C8orf76: variants seen among roughly 807,000 people sequenced by gnomAD.
C8orf76 encodes uncharacterized protein C8orf76.
A neutral mutation model predicts 38.1 loss-of-function variants in C8orf76; 46 were observed. The observed-to-expected ratio is 1.21, with a 90% CI of 0.95 to 1.54. The LOEUF (loss-of-function observed/expected upper bound fraction) is 1.54, where lower values mean the gene tolerates loss of function less well. Among genes scored for constraint, C8orf76 ranks in the 40% most tolerant of loss-of-function variants. The pLI is 0.00. For missense variants in C8orf76, 461 were observed against 441.6 expected (o/e 1.04, Z -0.39); for synonymous variants, 166 against 167.5 (o/e 0.99, Z 0.07).
At chr8:123,223,679 C>T (rs918427335) in intron 5 of C8orf76, among the ~76,000 whole-genome samples, 29 of 152,104 alleles carry the variant, frequency 1.9e-4, no homozygotes, top group African/African-American at 7.0e-4. Context: ...GCATTATTCA[C>T]AATATCCAAA....
intron 5 of C8orf76, among the ~76,000 whole-genome samples, chr8:123,223,563 G>A (rs1249394735): frequency 6.6e-6 from 1 of 152,144 alleles, no homozygotes; most frequent in Non-Finnish European, 1.5e-5. Flanking sequence ...AGCCGAGATA[G>A]TGCCACTGTA....
intron 5 of C8orf76, among the ~76,000 whole-genome samples, chr8:123,225,625 T>A (rs1056208833): frequency 2.6e-5 from 4 of 152,076 alleles, no homozygotes; most frequent in African/African-American, 9.7e-5. Context: ...CAGTGTAGCC[T>A]CTCAGAAGTA....
intron 3 of C8orf76, chr8:123,237,079 CCG>C: frequency 1.8e-6 from 2 of 1,135,858 alleles, no homozygotes; most frequent in Non-Finnish European, 2.7e-6. Flanking sequence ...AGCCTTCCCT[CCG>C]CCAGCTCGCC....
intron 3 of C8orf76, among the ~76,000 whole-genome samples, chr8:123,234,700 C>T (rs1051050119): frequency 1.3e-5 from 2 of 151,090 alleles, no homozygotes; most frequent in South Asian, 2.1e-4. Context: ...ACCCAGGAGG[C>T]GGAGGTTGCA....
At chr8:123,236,982 TG>T in intron 3 of C8orf76, 1 of 1,548,368 alleles carries the variant, frequency 6.5e-7, no homozygotes, top group Non-Finnish European at 8.9e-7. Flanking sequence ...GGCAAACAGC[TG>T]GAGGATGGCC....
intron 5 of C8orf76, chr8:123,226,299 G>GC: frequency 7.1e-7 from 1 of 1,404,468 alleles, no homozygotes; most frequent in Non-Finnish European, 9.2e-7. Context: ...ATGAAACACA[G>GC]CCCCTGCGGT....
At chr8:123,236,834 C>T (rs1335727447) in intron 3 of C8orf76, 9 of 702,994 alleles carry the variant, frequency 1.3e-5, no homozygotes, top group Non-Finnish European at 2.3e-5. Flanking sequence ...GCGAGGCTGC[C>T]GAGCTCCAGA....
At chr8:123,220,459 C>T (rs1824870877) in intron 5 of C8orf76, among the ~76,000 whole-genome samples, 162 bp from the exon 6 acceptor site, 1 of 152,052 alleles carries the variant, frequency 6.6e-6, no homozygotes, top group South Asian at 2.1e-4. Context: ...AGTAGTTATC[C>T]GTCTATGGCC....
In C8orf76 at chr8:123,226,621, T is replaced by C. The variant is rs1385515963; in HGVS notation, c.827A>G (p.Gln276Arg). ...CGATGTTTGCTGAGGTTGGGTAAAC[T>C]GAAGCAGAAGCCTGAAAAACCGAAA... ...ASFIRTRLLL[Q>R]FTQPQQTSFA... Residue 276 changes from glutamine (Q) to arginine (R), a missense_variant, in exon 5 of 6, where the codon CAG becomes CGG. Gln to Arg is a conservative substitution (Grantham distance 43, BLOSUM62 1). Transcript: ENST00000276704. 3 of 1,595,728 alleles carry C rather than the reference T, an allele frequency of 1.9e-6. No homozygotes were observed. The highest frequency in any genetic ancestry group is 2.3e-5 in the South Asian group (2 of 87,442).
At chr8:123,234,048 T>C (rs1460515087) in intron 3 of C8orf76, among the ~76,000 whole-genome samples, 1 of 151,710 alleles carries the variant, frequency 6.6e-6, no homozygotes, top group Non-Finnish European at 1.5e-5. Flanking sequence ...AAAAAATCTA[T>C]TTAAATGAGT....
At chr8:123,221,659 T>C (rs1205987533) in intron 5 of C8orf76, among the ~76,000 whole-genome samples, 3 of 152,086 alleles carry the variant, frequency 2.0e-5, no homozygotes, top group Admixed American at 2.0e-4. Flanking sequence ...TGGTCTTGAG[T>C]TCCTGACCTC....
chr8:123,234,416 C>T (rs1825385946), intron 3 of C8orf76, among the ~76,000 whole-genome samples: 2 of 152,144 alleles, frequency 1.3e-5, no homozygotes, highest in Admixed American at 1.3e-4. Context: ...GGGCAGATCA[C>T]TTGAGGTCAG....
chr8:123,234,916 C>G (rs1348126801), intron 3 of C8orf76, among the ~76,000 whole-genome samples: 1 of 152,092 alleles, frequency 6.6e-6, no homozygotes, highest in African/African-American at 2.4e-5. Flanking sequence ...GAGCCAAGAT[C>G]GCACCACTGC....
At chr8:123,226,397 C>G in intron 5 of C8orf76, 103 bp downstream of exon 5, 1 of 1,536,568 alleles carries the variant, frequency 6.5e-7, no homozygotes, top group East Asian at 2.4e-5. Flanking sequence ...GAGACAAGTC[C>G]TTCAGTAGAT....
chr8:123,227,550 T>C (rs1825090883), intron 4 of C8orf76, among the ~76,000 whole-genome samples: 1 of 152,102 alleles, frequency 6.6e-6, no homozygotes, highest in Non-Finnish European at 1.5e-5. Context: ...CAGGAAGGCT[T>C]CCTTGAGATA....
chr8:123,236,548 G>A (rs1030228081), intron 3 of C8orf76, among the ~76,000 whole-genome samples: 1 of 152,118 alleles, frequency 6.6e-6, no homozygotes, highest in Admixed American at 6.5e-5. Context: ...CAGCACTTTG[G>A]GAGGCCGAGG....
chr8:123,230,641 A>G (rs1006322164), intron 4 of C8orf76, among the ~76,000 whole-genome samples: 1 of 146,882 alleles, frequency 6.8e-6, no homozygotes, highest in Non-Finnish European at 1.5e-5. Flanking sequence ...ACGCACCACC[A>G]TGCCTGGTCA....
rs1825263121 is a variant in C8orf76 at position 123,231,346 on chromosome 8, A to G, written c.769T>C (p.Leu257=). 1 of 1,613,824 alleles carries G rather than the reference A, an allele frequency of 6.2e-7. No homozygotes were observed. The highest frequency in any genetic ancestry group is 2.2e-5 in the East Asian group (1 of 44,888). ...NCMAEKRETV[L]IETQLKACAS... is the part of the protein sequence containing the mutation. ...CATGCTTTCAGCTGAGTCTCTATCAACACTGTTTCTCTCTTTTCTGCCATA... is the reference window on the plus strand; with the variant it reads ...CATGCTTTCAGCTGAGTCTCTATCAGCACTGTTTCTCTCTTTTCTGCCATA... Residue 257 remains leucine (L), a synonymous_variant, in exon 4 of 6, where the codon TTG becomes CTG. Coordinates refer to ENST00000276704, the MANE Select transcript of C8orf76 (RefSeq NM_032847.3).
intron 4 of C8orf76, 107 bp from the exon 5 acceptor site, chr8:123,226,739 AG>A: frequency 6.9e-7 from 1 of 1,454,586 alleles, no homozygotes; most frequent in Middle Eastern, 1.9e-4. Context: ...GTCGGCTGCA[AG>A]TCCCACCAGG....
Sources: gnomAD v4.1 joint callset for allele counts (sites outside exome capture counted in the v4.1 genomes callset) on GRCh38, gnomAD v4.1.1 for gene constraint, MANE v1.5 for transcripts, NCBI Gene and HGNC (gene_info 2026-07-23, HGNC 2026-07-21) for gene names.